Variants in XPO4 observed in about 807,000 individuals in gnomAD.
XPO4 encodes exportin 4.
A neutral mutation model predicts 143.0 loss-of-function variants in XPO4; 39 were observed. The observed-to-expected ratio is 0.27, with a 90% CI of 0.21 to 0.36. XPO4 has a LOEUF of 0.36. XPO4 is among the 10% of genes least tolerant of loss of function. The pLI, the probability that XPO4 is intolerant of heterozygous loss-of-function variation, is 1.00. For missense variants in XPO4, 907 were observed against 1,348.0 expected (o/e 0.67, Z 5.12); for synonymous variants, 439 against 474.0 (o/e 0.93, Z 0.96).
At chr13:20,822,844 C>T (rs2059737677) in intron 7 of XPO4, among the ~76,000 whole-genome samples, 1 of 152,186 alleles carries the variant, frequency 6.6e-6, no homozygotes, top group African/African-American at 2.4e-5. Flanking sequence ...CTCAGTTTAA[C>T]CTACATCATT....
chr13:20,787,375 G>A (rs1012716298), intron 21 of XPO4, 106 bp downstream of exon 21: 24 of 1,076,076 alleles, frequency 2.2e-5, no homozygotes, highest in Admixed American at 3.8e-5. Flanking sequence ...TGGTTTCCTT[G>A]CCCCCGAAAG....
chr13:20,823,011 C>T (rs80018521), intron 7 of XPO4, among the ~76,000 whole-genome samples: 375 of 152,230 alleles, frequency 2.5e-3, no homozygotes, highest in African/African-American at 8.1e-3. Flanking sequence ...ATACTGCTCC[C>T]TAGTTTTATA....
chr13:20,799,105 TAGATAAAGGAACTAC>T (rs2059398618), intron 16 of XPO4, 45 bp downstream of exon 16: 1 of 1,438,044 alleles, frequency 7.0e-7, no homozygotes, highest in Non-Finnish European at 9.3e-7. Flanking sequence ...CGGCAACGCA[TAGATAAAGGAACTAC>T]AGAGTTACAC....
intron 6 of XPO4, among the ~76,000 whole-genome samples, chr13:20,828,539 T>G (rs1374902691): frequency 6.6e-6 from 1 of 152,168 alleles, no homozygotes; most frequent in Non-Finnish European, 1.5e-5. Context: ...TAGCTAATAT[T>G]ATTCTGTCTC....
chr13:20,824,654 T>C (rs1232020030), intron 7 of XPO4, among the ~76,000 whole-genome samples: 3 of 152,168 alleles, frequency 2.0e-5, no homozygotes, highest in Admixed American at 1.3e-4. Flanking sequence ...AGTTCCTCCA[T>C]ATCTGAACAT....
At position 20,782,878 on chromosome 13, in the gene XPO4, T is replaced by C. The variant is rs923732857; in HGVS notation, c.*844A>G. On this transcript the variant is annotated 3_prime_UTR_variant, in exon 23 of 23. Coordinates refer to ENST00000255305, the MANE Select transcript of XPO4 (RefSeq NM_022459.5). ...TAAGGTTATTTTTACGGAACAAAAA[T>C]ATACATGTATTTTCCTCCTCAAGTT... 1.5e-4 allele frequency: 23 copies of C among 152,524 alleles called. No individual in the cohort carries two copies. The highest frequency in any genetic ancestry group is 1.9e-4 in the Non-Finnish European group (13 of 68,016). 9.4% of individuals were successfully genotyped at this position (152,524 alleles called of 1,614,324 possible).
At chr13:20,897,940 T>A (rs1277578562) in intron 1 of XPO4, among the ~76,000 whole-genome samples, 2 of 151,968 alleles carry the variant, frequency 1.3e-5, no homozygotes, top group African/African-American at 4.8e-5. Context: ...TTTAGTAGAG[T>A]CATGGTTTCG....
chr13:20,823,607 A>G (rs1719057989), intron 7 of XPO4, among the ~76,000 whole-genome samples: 1 of 151,644 alleles, frequency 6.6e-6, no homozygotes, highest in Admixed American at 6.6e-5. Flanking sequence ...GTTGGGGGGA[A>G]ACCAATAAAA....
chr13:20,863,435 A>C (rs1187096093), intron 2 of XPO4, among the ~76,000 whole-genome samples: 5 of 152,328 alleles, frequency 3.3e-5, no homozygotes, highest in African/African-American at 9.6e-5. Flanking sequence ...AGTGCTTGTG[A>C]ATTTTCTGAT....
intron 15 of XPO4, 47 bp downstream of exon 15, chr13:20,800,109 T>TCACC: frequency 6.3e-7 from 1 of 1,591,192 alleles, no homozygotes; most frequent in South Asian, 1.1e-5. Flanking sequence ...AAAGAGTTTC[T>TCACC]CACCCACACA....
chr13:20,830,995 T>A (rs7988804), intron 6 of XPO4, among the ~76,000 whole-genome samples: 14,181 of 152,086 alleles, frequency 0.093, 816 homozygotes, highest in Non-Finnish European at 0.13. Context: ...CAAAATAATA[T>A]AAAGAATTAA....
At chr13:20,812,226 C>T (rs916348253) in intron 9 of XPO4, among the ~76,000 whole-genome samples, 1 of 152,106 alleles carries the variant, frequency 6.6e-6, no homozygotes, top group Admixed American at 6.5e-5. Flanking sequence ...CAAAAATTAG[C>T]TGGGCATGGT....
At chr13:20,863,220 T>C (rs952927351) in intron 2 of XPO4, 19 of 580,326 alleles carry the variant, frequency 3.3e-5, no homozygotes, top group African/African-American at 6.1e-5. Context: ...CAGAACTTTG[T>C]ATCTGAAAAA....
In XPO4 at chr13:20,786,664, T is replaced by C. The variant is rs150803578; in HGVS notation, c.3258+301A>G. Among the ~76,000 whole-genome samples the C allele has an allele frequency of 3.3e-5, 5 of 152,320 alleles. No homozygotes were observed. The East Asian group carries it at 9.6e-4, about 29-fold the overall frequency. ...GAGTTCTTCACACACCCATTATGTA[T>C]TCCTCATTCCTAGCACAGTTGTTTA... On this transcript the variant is annotated intron_variant, in intron 22 of 22. Transcript: ENST00000255305.
At chr13:20,865,705 C>T (rs946059752) in intron 2 of XPO4, 3 of 535,264 alleles carry the variant, frequency 5.6e-6, no homozygotes, top group South Asian at 8.2e-5. Flanking sequence ...GAAAAAACCC[C>T]GGTAGTGAAG....
At chr13:20,901,902 G>A (rs953225224) in intron 1 of XPO4, among the ~76,000 whole-genome samples, 12 of 152,190 alleles carry the variant, frequency 7.9e-5, no homozygotes, top group African/African-American at 2.9e-4. Context: ...CTAACTGAAC[G>A]TAGTTTATCC....
intron 6 of XPO4, among the ~76,000 whole-genome samples, chr13:20,833,572 T>C (rs2059878433): frequency 6.6e-6 from 1 of 152,236 alleles, no homozygotes; most frequent in Admixed American, 6.5e-5. Flanking sequence ...TGTTATTTTT[T>C]AGTTATAATA....
chr13:20,846,667 C>A (rs1277394672), intron 4 of XPO4, among the ~76,000 whole-genome samples: 1 of 152,116 alleles, frequency 6.6e-6, no homozygotes, highest in African/African-American at 2.4e-5. Flanking sequence ...CTTAGAAAAA[C>A]TAGAAATCGT....
At chr13:20,856,861 A>G in intron 3 of XPO4, 2 of 985,414 alleles carry the variant, frequency 2.0e-6, no homozygotes, top group Non-Finnish European at 2.4e-6. Context: ...CTTTCTCCAG[A>G]AAGTTATTAC....
Sources: gnomAD v4.1 joint callset for allele counts (sites outside exome capture counted in the v4.1 genomes callset) on GRCh38, gnomAD v4.1.1 for gene constraint, MANE v1.5 for transcripts, NCBI Gene and HGNC (gene_info 2026-07-23, HGNC 2026-07-21) for gene names.